The following TAS2R1 variants were observed in gnomAD, a reference collection of about 807,000 sequenced individuals.
TAS2R1 encodes taste 2 receptor member 1.
For synonymous variants in TAS2R1, 141 were observed against 134.2 expected (o/e 1.05, Z -0.35); for missense variants, 370 against 353.4 (o/e 1.05, Z -0.38).
At chr5:9,688,787 GC>G (rs1270845205) in intron 1 of TAS2R1, among the ~76,000 whole-genome samples, 1 of 152,078 alleles carries the variant, frequency 6.6e-6, no homozygotes, top group Non-Finnish European at 1.5e-5. Context: ...CCTCTCTAAA[GC>G]TTCCCCCAAT....
chr5:9,661,602 A>G (rs555946005), intron 1 of TAS2R1, among the ~76,000 whole-genome samples: 97 of 152,326 alleles, frequency 6.4e-4, no homozygotes, highest in African/African-American at 2.1e-3. Context: ...TGATTTCCTC[A>G]AGTCTATTTT....
At chr5:9,791,953 T>C in the TAS2R1 span, among the ~76,000 whole-genome samples, 1 of 152,170 alleles carries the variant, frequency 6.6e-6, no homozygotes, top group Admixed American at 6.5e-5. Flanking sequence ...AAATAATATA[T>C]TCTCATGTAG....
the TAS2R1 span, among the ~76,000 whole-genome samples, chr5:9,896,083 C>T: frequency 1.7e-4 from 26 of 152,072 alleles, no homozygotes; most frequent in East Asian, 9.6e-4. Flanking sequence ...TTAGAGTTAC[C>T]CCAACCCTTA....
intron 2 of TAS2R1, among the ~76,000 whole-genome samples, chr5:9,638,771 G>A (rs1380579993): frequency 6.6e-6 from 1 of 152,178 alleles, no homozygotes; most frequent in East Asian, 1.9e-4. Context: ...TGTGGGCTCA[G>A]ACTCTCCTTG....
At chr5:9,702,732 A>C (rs1041233985) in intron 1 of TAS2R1, among the ~76,000 whole-genome samples, 2 of 152,172 alleles carry the variant, frequency 1.3e-5, no homozygotes, top group Non-Finnish European at 2.9e-5. Flanking sequence ...TCAAACCAGA[A>C]GACATAAGGG....
chr5:9,789,433 AT>A, the TAS2R1 span, among the ~76,000 whole-genome samples: 1 of 152,228 alleles, frequency 6.6e-6, no homozygotes, highest in East Asian at 1.9e-4. Context: ...GGCACAAATA[AT>A]TTGGCATGTG....
the TAS2R1 span, among the ~76,000 whole-genome samples, chr5:9,753,704 C>A: frequency 6.6e-6 from 1 of 152,050 alleles, no homozygotes; most frequent in South Asian, 2.1e-4. Flanking sequence ...GTCTTCAATC[C>A]ATCTTGAATT....
At chr5:9,665,638 C>T (rs962584294) in intron 1 of TAS2R1, among the ~76,000 whole-genome samples, 2 of 152,234 alleles carry the variant, frequency 1.3e-5, no homozygotes, top group African/African-American at 2.4e-5. Flanking sequence ...CTCTGGGCAG[C>T]CCTGCCTGAA....
the TAS2R1 span, among the ~76,000 whole-genome samples, chr5:9,729,238 C>A: frequency 6.6e-6 from 1 of 152,158 alleles, no homozygotes; most frequent in African/African-American, 2.4e-5. Flanking sequence ...AAAGAAGGAC[C>A]TCATCTCTCA....
At chr5:9,729,161 C>T in the TAS2R1 span, among the ~76,000 whole-genome samples, 1 of 152,216 alleles carries the variant, frequency 6.6e-6, no homozygotes, top group Non-Finnish European at 1.5e-5. Flanking sequence ...ACAGCCCAGG[C>T]TGGCCACAAT....
At chr5:9,710,712 T>C (rs1273779592) in intron 1 of TAS2R1, among the ~76,000 whole-genome samples, 1 of 151,506 alleles carries the variant, frequency 6.6e-6, no homozygotes, top group Non-Finnish European at 1.5e-5. Context: ...ATGACCTGAT[T>C]AAAAAATTTG....
At chr5:9,896,432 C>G in the TAS2R1 span, among the ~76,000 whole-genome samples, 1 of 152,150 alleles carries the variant, frequency 6.6e-6, no homozygotes, top group Non-Finnish European at 1.5e-5. Flanking sequence ...TGGTTTAGGT[C>G]AGTTTAGAAA....
chr5:9,895,545 T>C, the TAS2R1 span, among the ~76,000 whole-genome samples: 1 of 152,364 alleles, frequency 6.6e-6, no homozygotes, highest in Non-Finnish European at 1.5e-5. Flanking sequence ...TCCTTTTGAA[T>C]CAGTGCAATG....
chr5:9,899,919 G>A, the TAS2R1 span, among the ~76,000 whole-genome samples: 2 of 152,088 alleles, frequency 1.3e-5, no homozygotes, highest in Admixed American at 6.5e-5. Flanking sequence ...TGAATCAATC[G>A]ATTTGGTTGT....
intron 2 of TAS2R1, among the ~76,000 whole-genome samples, chr5:9,657,662 A>G (rs1740441094): frequency 6.6e-6 from 1 of 152,242 alleles, no homozygotes. Flanking sequence ...CAGACGCTGT[A>G]TTATTTCAGG....
At chr5:9,837,784 G>A in the TAS2R1 span, among the ~76,000 whole-genome samples, 2 of 152,208 alleles carry the variant, frequency 1.3e-5, no homozygotes, top group African/African-American at 2.4e-5. Flanking sequence ...CTCGTGGAGC[G>A]ACAGCATGTT....
chr5:9,660,298 A>G (rs41498), intron 1 of TAS2R1, among the ~76,000 whole-genome samples: 138,135 of 145,568 alleles, frequency 0.95, 66,080 homozygotes, highest in Non-Finnish European at 1. Flanking sequence ...GGATGGTCTC[A>G]ATCTCCTGAC....
chr5:9,825,640 A>G, the TAS2R1 span, among the ~76,000 whole-genome samples: 1 of 152,248 alleles, frequency 6.6e-6, no homozygotes, highest in Admixed American at 6.5e-5. Context: ...CTGCTTCTCA[A>G]ATTAGAGTAC....
chr5:9,864,805 T>G, the TAS2R1 span, among the ~76,000 whole-genome samples: 1 of 152,002 alleles, frequency 6.6e-6, no homozygotes, highest in African/African-American at 2.4e-5. Context: ...AGATTGGAAG[T>G]GACAGGGTAC....
Sources: allele counts gnomAD v4.1 joint callset (sites outside exome capture counted in the v4.1 genomes callset), GRCh38; gene constraint gnomAD v4.1.1; transcripts MANE v1.5; gene names NCBI Gene and HGNC (gene_info 2026-07-23, HGNC 2026-07-21).